The following ROBO2 variants were observed in gnomAD, a reference collection of about 807,000 sequenced individuals.
The protein encoded by ROBO2 is roundabout homolog 2.
In ROBO2, 53 loss-of-function variants were observed where a neutral mutation model predicts 160.8. The observed-to-expected ratio is 0.33, with a 90% CI of 0.26 to 0.41. ROBO2 has a LOEUF of 0.41. Among genes scored for constraint, ROBO2 ranks in the 10% least tolerant of loss-of-function variants. The pLI, the probability that ROBO2 is intolerant of heterozygous loss-of-function variation, is 1.00. For synonymous variants in ROBO2, 664 were observed against 611.7 expected, an observed-to-expected ratio of 1.09 and a Z score of -1.26; for missense variants, 1,577 against 1,722.4, an observed-to-expected ratio of 0.92 and a Z score of 1.49.
chr3:76,064,706 G>GA (rs1305132763), intron 2 of ROBO2, among the ~76,000 whole-genome samples: 3 of 151,966 alleles, frequency 2.0e-5, no homozygotes, highest in Non-Finnish European at 4.4e-5. Flanking sequence ...TTGGGGGCCT[G>GA]AAAAAATACA....
intron 2 of ROBO2, among the ~76,000 whole-genome samples, chr3:76,341,192 G>A (rs1264432090): frequency 4.0e-5 from 6 of 151,086 alleles, no homozygotes; most frequent in Admixed American, 3.3e-4. Context: ...CTACTGTAAG[G>A]AAAAAAAGAA....
rs187625619 is a variant in ROBO2, at chr3:76,945,301, C to T, written c.110-152713C>T. Reference sequence around the variant, plus strand: ...ATTATTAATTTTATTATTGATGTCGCTCTCACTATAACATGAAAAAAGAAA... The same window carrying T: ...ATTATTAATTTTATTATTGATGTCGTTCTCACTATAACATGAAAAAAGAAA... On this transcript the variant is annotated intron_variant, in intron 2 of 26. Coordinates refer to the ROBO2 transcript ENST00000487694. 1.4e-3 allele frequency among the ~76,000 whole-genome samples: 215 copies of T among 152,194 alleles called. 1 individual carries two copies. Among genetic ancestry groups the T allele is most frequent in the African/African-American group, 4.9e-3 (203 of 41,506 alleles).
At chr3:76,282,593 T>G (rs2107673320) in intron 2 of ROBO2, among the ~76,000 whole-genome samples, 1 of 152,210 alleles carries the variant, frequency 6.6e-6, no homozygotes, top group Non-Finnish European at 1.5e-5. Context: ...ATTGGCATTT[T>G]AAAACTTTGT....
At chr3:77,590,435 T>A (rs2094152434) in intron 17 of ROBO2, among the ~76,000 whole-genome samples, 1 of 152,198 alleles carries the variant, frequency 6.6e-6, no homozygotes, top group South Asian at 2.1e-4. Flanking sequence ...CTTCTTGTTA[T>A]GCAGTCCGGT....
chr3:77,454,997 G>GA (rs972738841), intron 2 of ROBO2, among the ~76,000 whole-genome samples: 3 of 152,152 alleles, frequency 2.0e-5, no homozygotes, highest in African/African-American at 7.2e-5. Flanking sequence ...GAGATGGCGA[G>GA]AAAAAATGGA....
chr3:76,380,813 T>C (rs1301700782), intron 2 of ROBO2, among the ~76,000 whole-genome samples: 8 of 152,012 alleles, frequency 5.3e-5, no homozygotes, highest in Admixed American at 4.6e-4. Context: ...CAATATAAGC[T>C]AGAAAGTAAG....
chr3:76,428,600 CTA>C (rs749541179), intron 2 of ROBO2, among the ~76,000 whole-genome samples: 22 of 151,914 alleles, frequency 1.4e-4, no homozygotes, highest in Non-Finnish European at 3.2e-4. Flanking sequence ...CATTCTAACA[CTA>C]TAGTCTAACA....
intron 1 of ROBO2, among the ~76,000 whole-genome samples, chr3:77,082,103 C>G (rs569213608): frequency 3.7e-4 from 56 of 152,214 alleles, no homozygotes; most frequent in African/African-American, 1.3e-3. Flanking sequence ...CTGTTTTAAG[C>G]TGTATTCCAA....
intron 18 of ROBO2, 90 bp from the exon 20 acceptor site, chr3:77,596,533 C>A (rs2094307448): frequency 6.7e-7 from 1 of 1,500,590 alleles, no homozygotes; most frequent in South Asian, 1.1e-5. Context: ...TGAAAATCTT[C>A]CATTTCTTAA....
At chr3:76,225,927 C>A (rs1437813771) in intron 2 of ROBO2, among the ~76,000 whole-genome samples, 3 of 152,084 alleles carry the variant, frequency 2.0e-5, no homozygotes, top group Non-Finnish European at 2.9e-5. Flanking sequence ...ATGATTATGG[C>A]AAATATGGAC....
intron 2 of ROBO2, among the ~76,000 whole-genome samples, chr3:76,052,489 A>T (rs1290547062): frequency 6.7e-6 from 1 of 150,208 alleles, no homozygotes; most frequent in Non-Finnish European, 1.5e-5. Context: ...TGTCCTTGAG[A>T]TTTTTTTTTT....
chr3:76,310,006 A>G lies in ROBO2; in HGVS notation c.109+372404A>G, dbSNP rs535127421. On this transcript the variant is annotated intron_variant, in intron 2 of 26. Transcript: ENST00000487694. The stretch of plus-strand genomic sequence containing the variant: ...ATGGCTAATTTTTTTTTTTTTGTAG[A>G]GGTGGGGGTCTCACCATGTTGCCCA... Among the ~76,000 whole-genome samples, 4 of 150,906 alleles carry G rather than the reference A, an allele frequency of 2.7e-5. No homozygotes were observed. In the East Asian group the frequency reaches 7.8e-4, roughly 30 times the overall value.
intron 2 of ROBO2, among the ~76,000 whole-genome samples, chr3:76,515,638 A>G (rs1388190992): frequency 6.6e-6 from 1 of 152,184 alleles, no homozygotes; most frequent in Non-Finnish European, 1.5e-5. Flanking sequence ...TTAACAACAG[A>G]TAAAAATATG....
At chr3:77,432,918 G>A (rs1275314514) in intron 2 of ROBO2, among the ~76,000 whole-genome samples, 3 of 152,116 alleles carry the variant, frequency 2.0e-5, no homozygotes, top group Non-Finnish European at 2.9e-5. Flanking sequence ...CTGAAGAGAG[G>A]ACTCTCACAG....
chr3:76,075,144 A>G (rs538754253), intron 2 of ROBO2, among the ~76,000 whole-genome samples: 1 of 151,832 alleles, frequency 6.6e-6, no homozygotes, highest in East Asian at 2.0e-4. Flanking sequence ...AGCCTGTTTG[A>G]ATTGTCCTCT....
chr3:77,458,615 G>C (rs1328476855), intron 2 of ROBO2, among the ~76,000 whole-genome samples: 1 of 151,530 alleles, frequency 6.6e-6, no homozygotes, highest in Non-Finnish European at 1.5e-5. Context: ...ATGAAAAAAA[G>C]GCAATTGTAC....
At chr3:75,934,514 TGA>T (rs1947687267) in intron 1 of ROBO2, among the ~76,000 whole-genome samples, 2 of 152,184 alleles carry the variant, frequency 1.3e-5, no homozygotes, top group African/African-American at 4.8e-5. Flanking sequence ...TTAAATGAAT[TGA>T]GTTTACTTTT....
chr3:76,465,157 G>T (rs2078294915), intron 2 of ROBO2, among the ~76,000 whole-genome samples: 1 of 152,042 alleles, frequency 6.6e-6, no homozygotes, highest in Non-Finnish European at 1.5e-5. Context: ...AGAACAAAGT[G>T]TATTGAAGAT....
At chr3:77,522,077 G>A (rs2090654762) in intron 5 of ROBO2, among the ~76,000 whole-genome samples, 1 of 151,162 alleles carries the variant, frequency 6.6e-6, no homozygotes, top group African/African-American at 2.4e-5. Flanking sequence ...AATTAAATAA[G>A]AACATATTCT....
Sources: allele counts gnomAD v4.1 joint callset (sites outside exome capture counted in the v4.1 genomes callset), GRCh38; gene constraint gnomAD v4.1.1; transcripts MANE v1.5; gene names NCBI Gene and HGNC (gene_info 2026-07-23, HGNC 2026-07-21).